Variants in PASD1 observed in about 807,000 individuals in gnomAD.
PASD1 encodes PAS domain containing repressor 1, also known as circadian clock protein PASD1.
Under a neutral mutation model 58.8 loss-of-function variants are expected in PASD1, and 13 were observed. The observed-to-expected ratio is 0.22, with a 90% CI of 0.14 to 0.35. PASD1 has a LOEUF of 0.35. Among genes scored for constraint, PASD1 ranks in the 10% least tolerant of loss-of-function variants. The pLI, the probability that PASD1 is intolerant of heterozygous loss-of-function variation, is 1.00. For synonymous variants in PASD1, 236 were observed against 216.7 expected, an observed-to-expected ratio of 1.09 and a Z score of -0.78; for missense variants, 734 against 568.3, an observed-to-expected ratio of 1.29 and a Z score of -2.96.
rs773666812 is a variant in PASD1, at chrX:151,665,858, GTGTC to G, written c.1071+1514_1071+1517del. 1.4e-4 allele frequency among the ~76,000 whole-genome samples: 15 copies of G among 107,085 alleles called. No individual in the cohort carries two copies. In the East Asian group the frequency reaches 4.1e-3, roughly 29 times the overall value. 93.0% of individuals were successfully genotyped at this position (107,085 alleles called of 115,157 possible). A position where few individuals can be genotyped will look rare whatever the true frequency, so the allele number is the denominator to read the frequency against. Reference sequence around the variant, plus strand: ...CCTGAGTTTAGAGGGGTGTGTGTGTGTGTCTGTGTGGGTGTGTACACGCGCGTGC... The same window carrying G: ...CCTGAGTTTAGAGGGGTGTGTGTGTGTGTGTGGGTGTGTACACGCGCGTGC... On this transcript the variant is annotated intron_variant, in intron 11 of 15. Coordinates refer to ENST00000370357, the MANE Select transcript of PASD1 (RefSeq NM_173493.3).
At chrX:151,673,795 T>C in intron 14 of PASD1, 133 bp from the exon 15 acceptor site, 2 of 772,613 alleles carry the variant, frequency 2.6e-6, no homozygotes, top group Non-Finnish European at 3.8e-6. Flanking sequence ...AAAGTGAGAA[T>C]ACAAACAAGT....
intron 9 of PASD1, among the ~76,000 whole-genome samples, chrX:151,653,182 A>G (rs866676608): frequency 1.8e-4 from 17 of 95,480 alleles, no homozygotes; most frequent in East Asian, 6.1e-4. Flanking sequence ...GTGTGTGTGT[A>G]TATATATATA....
chrX:151,601,615 A>G lies in PASD1; in HGVS notation c.28+34A>G, dbSNP rs764372701. The stretch of plus-strand genomic sequence containing the variant: ...TCATAACTGACTGACATTTCTGTCA[A>G]AGCCCTCTCCCTCGTCCTGTGTTCC... On this transcript the variant is annotated intron_variant, in intron 2 of 15. Coordinates refer to ENST00000370357, the MANE Select transcript of PASD1 (RefSeq NM_173493.3). 23 of 1,191,452 alleles carry G rather than the reference A, an allele frequency of 1.9e-5. No individual in the cohort carries two copies. The Admixed American group carries it at 5.0e-4, about 26-fold the overall frequency.
chrX:151,596,878 T>G (rs893727643), intron 1 of PASD1, among the ~76,000 whole-genome samples: 1 of 112,217 alleles, frequency 8.9e-6, no homozygotes, highest in African/African-American at 3.2e-5. Context: ...GTTAAGAATA[T>G]TTTCAAAAAT....
In PASD1 at chrX:151,654,920, T is replaced by G. The variant is rs185125462; in HGVS notation, c.718-4793T>G. ...GCACAACAAGCAGGTTTGTCACATATGTATACATATGCCATGTTGGTGTGC... is the reference window on the plus strand; with the variant it reads ...GCACAACAAGCAGGTTTGTCACATAGGTATACATATGCCATGTTGGTGTGC... On this transcript the variant is annotated intron_variant, in intron 9 of 15. Transcript: ENST00000370357. Among the ~76,000 whole-genome samples the G allele has an allele frequency of 3.2e-4, 35 of 110,817 alleles. No individual in the cohort carries two copies. The East Asian group carries it at 9.1e-3, about 29-fold the overall frequency.
chrX:151,574,015 A>G (rs1273129884), intron 1 of PASD1, among the ~76,000 whole-genome samples: 1 of 112,574 alleles, frequency 8.9e-6, no homozygotes, highest in Admixed American at 9.4e-5. Context: ...AAATGAATTT[A>G]ATAAACCAAA....
At position 151,676,499 on chromosome X, in the gene PASD1, G is replaced by T; in HGVS notation, c.*356G>T. 6.6e-6 allele frequency: 1 copy of T among 150,540 alleles called. No individual in the cohort carries two copies. The highest frequency in any genetic ancestry group is 1.3e-5 in the Non-Finnish European group (1 of 78,293). 12.4% of individuals were successfully genotyped at this position (150,540 alleles called of 1,213,427 possible). On this transcript the variant is annotated 3_prime_UTR_variant, in exon 16 of 16. Coordinates refer to ENST00000370357, the MANE Select transcript of PASD1 (RefSeq NM_173493.3). ...CAAAGTTTTCAACATAAAGAATAAA[G>T]AAAAAAAAATGCCAAAGTGCTTTTC...
At chrX:151,632,874 A>AT (rs2013885676) in intron 8 of PASD1, among the ~76,000 whole-genome samples, 1 of 109,331 alleles carries the variant, frequency 9.1e-6, no homozygotes, top group African/African-American at 3.4e-5. Flanking sequence ...TGAGGCTCAA[A>AT]TAAAAAAAAA....
At chrX:151,604,548 C>T (rs1477510145) in intron 2 of PASD1, 98 bp from the exon 3 acceptor site, 1 of 560,777 alleles carries the variant, frequency 1.8e-6, no homozygotes, top group Non-Finnish European at 2.9e-6. Flanking sequence ...TCATAAGAGT[C>T]TTTTCTATAA....
Position 151,638,805 on chromosome X carries a change from T to C in PASD1, c.630-9810T>C, listed in dbSNP as rs543985020. ...TAAACTTTTTTTTTCCCAAAAGTTT[T>C]ATCATTCTGGATTTTAAGTTTGTAT... is the stretch of plus-strand genomic sequence containing the variant. On this transcript the variant is annotated intron_variant, in intron 8 of 15. Coordinates refer to ENST00000370357, the MANE Select transcript of PASD1 (RefSeq NM_173493.3). Among the ~76,000 whole-genome samples, 18 of 111,957 alleles carry C rather than the reference T, an allele frequency of 1.6e-4. No individual in the cohort carries two copies. In the South Asian group the frequency reaches 6.4e-3, roughly 40 times the overall value.
At chrX:151,587,004 A>G (rs1226483592) in intron 1 of PASD1, among the ~76,000 whole-genome samples, 1 of 111,289 alleles carries the variant, frequency 9.0e-6, no homozygotes, top group Non-Finnish European at 1.9e-5. Flanking sequence ...CGTTTAATGG[A>G]TTGCTGATCT....
intron 10 of PASD1, among the ~76,000 whole-genome samples, chrX:151,663,518 G>A (rs1194121157): frequency 1.3e-4 from 15 of 112,541 alleles, no homozygotes; most frequent in East Asian, 2.8e-4. Context: ...AAACATTTGC[G>A]TAGAAGTTTT....
chrX:151,615,239 G>T (rs865850613), intron 4 of PASD1, among the ~76,000 whole-genome samples: 4 of 107,984 alleles, frequency 3.7e-5, no homozygotes, highest in African/African-American at 1.3e-4. Context: ...GCTTCTTTAT[G>T]TATTTGGTTC....
intron 1 of PASD1, among the ~76,000 whole-genome samples, chrX:151,585,577 G>T (rs902802369): frequency 9.0e-6 from 1 of 111,043 alleles, no homozygotes. Flanking sequence ...CTGGCATTGA[G>T]GATTGGTAGG....
chrX:151,612,849 C>T (rs1202528386), intron 4 of PASD1, among the ~76,000 whole-genome samples: 36 of 111,919 alleles, frequency 3.2e-4, no homozygotes, highest in Non-Finnish European at 5.6e-5. Context: ...ATTTTGGCTT[C>T]TGTTGCCATT....
intron 9 of PASD1, among the ~76,000 whole-genome samples, chrX:151,655,473 G>A (rs1294574147): frequency 1.8e-5 from 2 of 112,103 alleles, no homozygotes; most frequent in African/African-American, 6.5e-5. Context: ...CCCACCAACA[G>A]TGTAAAAGTG....
intron 4 of PASD1, among the ~76,000 whole-genome samples, chrX:151,614,241 T>G (rs2013608683): frequency 9.0e-6 from 1 of 111,484 alleles, no homozygotes; most frequent in Non-Finnish European, 1.9e-5. Flanking sequence ...CATCTCGGCC[T>G]CCCAAAGTGC....
At chrX:151,626,165 C>T (rs1006737552) in intron 8 of PASD1, among the ~76,000 whole-genome samples, 1 of 111,880 alleles carries the variant, frequency 8.9e-6, no homozygotes, top group Admixed American at 9.5e-5. Flanking sequence ...TATACTACTT[C>T]ATTACTTTTT....
intron 11 of PASD1, 85 bp downstream of exon 11, chrX:151,664,433 G>A: frequency 8.7e-7 from 1 of 1,143,573 alleles, no homozygotes. Context: ...CTTGTGACCA[G>A]TTTCACTTCA....
Sources: gnomAD v4.1 joint callset for allele counts (sites outside exome capture counted in the v4.1 genomes callset) on GRCh38, gnomAD v4.1.1 for gene constraint, MANE v1.5 for transcripts, NCBI Gene and HGNC (gene_info 2026-07-23, HGNC 2026-07-21) for gene names.